The following TOMM20 variants were observed in gnomAD, a reference collection of about 807,000 sequenced individuals.
TOMM20 encodes the protein translocase of outer mitochondrial membrane 20.
A neutral mutation model predicts 22.1 loss-of-function variants in TOMM20; 10 were observed. That is an observed-to-expected ratio of 0.45 (90% confidence interval 0.28 to 0.77). The LOEUF is 0.77. TOMM20 is among the 30% of genes least tolerant of loss of function. TOMM20 has a pLI of 0.13. For synonymous variants in TOMM20, 55 were observed against 61.4 expected (o/e 0.90, Z 0.49); for missense variants, 121 against 172.2 (o/e 0.70, Z 1.66).
chr1:235,116,416 G>T (rs1019749738), intron 3 of TOMM20, among the ~76,000 whole-genome samples: 2 of 152,048 alleles, frequency 1.3e-5, no homozygotes, highest in East Asian at 1.9e-4. Flanking sequence ...GCACGTGCCT[G>T]TAGTCCCAGC....
intron 1 of TOMM20, among the ~76,000 whole-genome samples, chr1:235,128,379 G>A (rs1384295213): frequency 6.6e-6 from 1 of 152,216 alleles, no homozygotes; most frequent in African/African-American, 2.4e-5. Flanking sequence ...TAAAGTGTCT[G>A]GGGAAAACAA....
chr1:235,115,605 C>T (rs1281726595), intron 3 of TOMM20, among the ~76,000 whole-genome samples: 13 of 151,706 alleles, frequency 8.6e-5, no homozygotes, highest in African/African-American at 3.1e-4. Flanking sequence ...CCAGCCTGGG[C>T]GACAGAGCGA....
At chr1:235,126,833 A>G (rs1056597328) in intron 1 of TOMM20, among the ~76,000 whole-genome samples, 30 of 152,198 alleles carry the variant, frequency 2.0e-4, no homozygotes, top group African/African-American at 7.0e-4. Context: ...TCTAGCATTC[A>G]TCAATTACCA....
chr1:235,116,952 G>T (rs576498220), intron 3 of TOMM20, among the ~76,000 whole-genome samples: 2 of 151,170 alleles, frequency 1.3e-5, no homozygotes, highest in Non-Finnish European at 2.9e-5. Flanking sequence ...TGGCTAACAT[G>T]GTGAAACCCC....
intron 2 of TOMM20, 44 bp downstream of exon 2, chr1:235,122,282 T>C: frequency 7.1e-7 from 1 of 1,411,290 alleles, no homozygotes; most frequent in East Asian, 2.5e-5. Context: ...TTTAAAATAA[T>C]ATTTCTACAA....
chr1:235,128,005 G>A (rs1394386343), intron 1 of TOMM20: 2 of 439,954 alleles, frequency 4.5e-6, no homozygotes, highest in Non-Finnish European at 9.0e-6. Context: ...GTGAAACCCC[G>A]TCTCTACTAA....
At chr1:235,125,360 A>G (rs1172922674) in intron 1 of TOMM20, among the ~76,000 whole-genome samples, 3 of 152,058 alleles carry the variant, frequency 2.0e-5, no homozygotes, top group South Asian at 2.1e-4. Flanking sequence ...GACTACAGGC[A>G]CCCGCCACCA....
At chr1:235,126,377 C>A (rs1010987614) in intron 1 of TOMM20, among the ~76,000 whole-genome samples, 1 of 152,060 alleles carries the variant, frequency 6.6e-6, no homozygotes, top group African/African-American at 2.4e-5. Flanking sequence ...GTGATCCGCC[C>A]ACCTCGGCCT....
intron 4 of TOMM20, among the ~76,000 whole-genome samples, chr1:235,112,508 A>AT (rs1023679897): frequency 6.0e-5 from 9 of 150,448 alleles, no homozygotes; most frequent in Admixed American, 1.3e-4. Flanking sequence ...TGCCCGGCTA[A>AT]TTTTTTTTTT....
chr1:235,116,045 G>A (rs1361301076), intron 3 of TOMM20, among the ~76,000 whole-genome samples: 3 of 152,142 alleles, frequency 2.0e-5, no homozygotes, highest in Non-Finnish European at 4.4e-5. Flanking sequence ...CTAGCCCAGT[G>A]GTCTCATGTC....
At chr1:235,124,730 C>T (rs982072185) in intron 1 of TOMM20, among the ~76,000 whole-genome samples, 1 of 152,136 alleles carries the variant, frequency 6.6e-6, no homozygotes, top group East Asian at 1.9e-4. Context: ...TTAACTGATA[C>T]AGCTACCAAA....
rs1427105267 is a variant in TOMM20, at chr1:235,112,098, C to A, written c.404G>T (p.Ser135Ile). 6.2e-7 allele frequency: 1 copy of A among 1,605,492 alleles called. No individual in the cohort carries two copies. Among genetic ancestry groups the A allele is most frequent in the South Asian group, 1.1e-5 (1 of 88,940 alleles). Residue 135 changes from serine to isoleucine, a missense_variant, in exon 5 of 5, where the codon AGT becomes ATT. Physicochemically the swap from Ser to Ile is moderately radical, Grantham distance 142 (BLOSUM62 -2). Transcript: ENST00000366607. ...KLPTISQRIV[S>I]AQSLAEDDVE ...ATCATCTTCAGCCAAGCTCTGAGCA[C>A]TTACAATTCTCTGAAAGAAAAAAAA...
At position 235,109,546 on chromosome 1, in the gene TOMM20, T is replaced by TA. The variant is rs990148017; in HGVS notation, c.*2517dup. On this transcript the variant is annotated 3_prime_UTR_variant, in exon 5 of 5. Coordinates refer to ENST00000366607, the MANE Select transcript of TOMM20 (RefSeq NM_014765.3). ...AATGGCAGGTGGGAGGATGGTAAAA[T>TA]AAACTTACCAAGGGGCAAAAGGAAC... 1 of 152,204 alleles carries TA rather than the reference T, an allele frequency of 6.6e-6. No homozygotes were observed. The highest frequency in any genetic ancestry group is 2.4e-5 in the African/African-American group (1 of 41,454). 9.4% of individuals were successfully genotyped at this position (152,204 alleles called of 1,614,324 possible).
intron 3 of TOMM20, among the ~76,000 whole-genome samples, chr1:235,116,659 T>C (rs1021630173): frequency 3.3e-5 from 5 of 151,214 alleles, no homozygotes; most frequent in Non-Finnish European, 5.9e-5. Flanking sequence ...TGCAGTGAGC[T>C]GAGACTGCAC....
Position 235,111,864 on chromosome 1 carries a change from GT to G in TOMM20, c.*199del. On this transcript the variant is annotated 3_prime_UTR_variant, in exon 5 of 5. Coordinates refer to ENST00000366607, the MANE Select transcript of TOMM20 (RefSeq NM_014765.3). The stretch of plus-strand genomic sequence containing the variant: ...TCATAGTGTATTTATAGAATGAAAA[GT>G]TCTCTATCAAAATACACTTTTCACT... The G allele has an allele frequency of 1.8e-6, 1 of 560,762 alleles. No individual in the cohort carries two copies. The allele number at this position is 560,762 out of a possible 1,614,324, so 34.7% of individuals were successfully genotyped here.
rs949810895 is a variant in TOMM20, at chr1:235,128,790, G to A, written c.-75C>T. ...GCGGTGGGCCACGAACCCTCAGAGC[G>A]GTCGGCGCAGCTCACACCCGACGGC... On this transcript the variant is annotated 5_prime_UTR_variant, in exon 1 of 5. Transcript: ENST00000366607. 26 of 1,600,152 alleles carry A rather than the reference G, an allele frequency of 1.6e-5. No homozygotes were observed. The highest frequency in any genetic ancestry group is 3.4e-5 in the Admixed American group (2 of 59,216).
intron 3 of TOMM20, among the ~76,000 whole-genome samples, chr1:235,117,921 T>C (rs1660862098): frequency 6.6e-6 from 1 of 152,206 alleles, no homozygotes; most frequent in Non-Finnish European, 1.5e-5. Context: ...CCAGGCACCA[T>C]CTTGGCCAAT....
Position 235,127,940 on chromosome 1 carries a change from A to G in TOMM20, c.121+655T>C, listed in dbSNP as rs149224250. On this transcript the variant is annotated intron_variant, in intron 1 of 4. Coordinates refer to ENST00000366607, the MANE Select transcript of TOMM20 (RefSeq NM_014765.3). ...ACCAAGAGGGTTTAAGAATGCAGCA[A>G]TGAGCCAGGCGGATCATCTGAGGTC... 7.3e-5 allele frequency: 38 copies of G among 518,072 alleles called. No individual in the cohort carries two copies. The East Asian group carries it at 2.0e-3, about 28-fold the overall frequency. The allele number at this position is 518,072 out of a possible 1,614,324, so 32.1% of individuals were successfully genotyped here. A position where few individuals can be genotyped will look rare whatever the true frequency, so the allele number is the denominator to read the frequency against.
chr1:235,114,564 C>T (rs1001155409), intron 3 of TOMM20, among the ~76,000 whole-genome samples: 7 of 151,504 alleles, frequency 4.6e-5, no homozygotes, highest in South Asian at 4.2e-4. Flanking sequence ...CAGCCTCCCG[C>T]GCAGCTGGGA....
Sources: gnomAD v4.1 joint callset for allele counts (sites outside exome capture counted in the v4.1 genomes callset) on GRCh38, gnomAD v4.1.1 for gene constraint, MANE v1.5 for transcripts, NCBI Gene and HGNC (gene_info 2026-07-23, HGNC 2026-07-21) for gene names.